OR6V1: variants seen among roughly 807,000 people sequenced by gnomAD.
OR6V1 encodes the protein olfactory receptor 6V1.
A neutral mutation model predicts 13.2 loss-of-function variants in OR6V1; 10 were observed. The observed-to-expected ratio is 0.76, with a 90% CI of 0.47 to 1.28. The LOEUF is 1.28. Ranked by LOEUF, OR6V1 falls within the 50% of genes most tolerant of loss-of-function variation. The pLI is 0.00. For synonymous variants in OR6V1, 137 were observed against 154.2 expected, an observed-to-expected ratio of 0.89 and a Z score of 0.83; for missense variants, 350 against 380.4, an observed-to-expected ratio of 0.92 and a Z score of 0.67.
At position 143,052,872 on chromosome 7, in the gene OR6V1, G is replaced by A. The variant is rs1798223783; in HGVS notation, c.532G>A (p.Asp178Asn). ...CGACGTCATCAACCACTTCTTCTGT[G>A]ACAATGAACCTCTCCTGCAGTTGTC... ...HGDVINHFFC[D>N]NEPLLQLSCS... The change falls in exon 1 of 1, where the codon GAC becomes AAC. Residue 178 changes from aspartate to asparagine, a missense_variant. Asp to Asn is a conservative substitution (Grantham distance 23). Transcript: ENST00000418316. The A allele has an allele frequency of 1.2e-6, 2 of 1,613,896 alleles. No individual in the cohort carries two copies. The highest frequency in any genetic ancestry group is 1.3e-5 in the African/African-American group (1 of 74,938).
chr7:143,053,243 G>A lies in OR6V1; in HGVS notation c.903G>A (p.Gly301=). 1 of 1,609,130 alleles carries A rather than the reference G, an allele frequency of 6.2e-7. No individual in the cohort carries two copies. Among genetic ancestry groups the A allele is most frequent in the South Asian group, 1.1e-5 (1 of 91,060 alleles). Residue 301 remains glycine, a synonymous_variant, in exon 1 of 1, where the codon GGG becomes GGA. Coordinates refer to ENST00000418316, the MANE Select transcript of OR6V1 (RefSeq NM_001001667.1). ...AGACAGTTAAAACAGTGCTACAGGG[G>A]CAGATGCAGAGGCTGAAAGGCCTTT... The part of the protein sequence containing the change: ...CNQTVKTVLQ[G]QMQRLKGLCK...
rs1280358642 is a variant in OR6V1 at position 143,052,663 on chromosome 7, C to T, written c.323C>T (p.Thr108Ile). The change falls in exon 1 of 1, where the codon ACC becomes ATC. Residue 108 changes from threonine (T) to isoleucine (I), a missense_variant. By Grantham distance (89) the Thr-to-Ile change is moderately conservative. Transcript: ENST00000418316. The stretch of plus-strand genomic sequence containing the variant: ...TACTTCCACTTTTCCCTGGGGTCCA[C>T]CTCCTTCCTCATCCTGACAGACATG... ...QFYFHFSLGS[T>I]SFLILTDMAL... 11 of 1,614,002 alleles carry T rather than the reference C, an allele frequency of 6.8e-6. No individual in the cohort carries two copies. The highest frequency in any genetic ancestry group is 6.7e-5 in the African/African-American group (5 of 75,050).
In OR6V1 at chr7:143,053,057, C is replaced by T. The variant is rs200879545; in HGVS notation, c.717C>T (p.Cys239=). The T allele has an allele frequency of 2.2e-5, 36 of 1,613,978 alleles. 1 individual carries two copies. The Middle Eastern group carries it at 4.9e-4, about 22-fold the overall frequency. Residue 239 remains cysteine, a synonymous_variant, in exon 1 of 1, where the codon TGC becomes TGT. Transcript: ENST00000418316. ...ASSCQKAFST[C]GSHLTLVFIG... is the part of the protein sequence containing the mutation. Reference sequence around the variant, plus strand: ...GCTGCCAGAAGGCTTTCTCCACTTGCGGGTCTCACCTCACACTGGTCTTCA... The same window carrying T: ...GCTGCCAGAAGGCTTTCTCCACTTGTGGGTCTCACCTCACACTGGTCTTCA...
chr7:143,052,640 C>T lies in OR6V1; in HGVS notation c.300C>T (p.Tyr100=), dbSNP rs17164103. Residue 100 remains tyrosine (Y), a synonymous_variant, in exon 1 of 1, where the codon TAC becomes TAT. Transcript: ENST00000418316. ...TCACTGGCTGCATGGTCCAGTTCTA[C>T]TTCCACTTTTCCCTGGGGTCCACCT... ...ITFTGCMVQF[Y]FHFSLGSTSF... 144,027 of 1,613,872 alleles carry T rather than the reference C, an allele frequency of 0.089. 8,412 individuals carry two copies. The highest frequency in any genetic ancestry group is 0.29 in the African/African-American group (21,805 of 74,962).
chr7:143,052,434 C>G lies in OR6V1; in HGVS notation c.94C>G (p.Leu32Val). 7.4e-6 allele frequency: 12 copies of G among 1,613,890 alleles called. No homozygotes were observed. The highest frequency in any genetic ancestry group is 1.3e-5 in the African/African-American group (1 of 75,032). Reference protein sequence around the residue: ...QALLYGPFLMLYLLAFMGNTI... With the variant: ...QALLYGPFLMVYLLAFMGNTI... ...CCTTCTGTATGGCCCCTTCCTCATG[C>G]TTTATCTTCTCGCCTTCATGGGAAA... is the stretch of plus-strand genomic sequence containing the variant. The change falls in exon 1 of 1, where the codon CTT becomes GTT. Residue 32 changes from leucine (L) to valine (V), a missense_variant. Leu to Val is a conservative substitution (Grantham distance 32, BLOSUM62 1). Coordinates refer to ENST00000418316, the MANE Select transcript of OR6V1 (RefSeq NM_001001667.1).
chr7:143,052,685 C>T lies in OR6V1; in HGVS notation c.345C>T (p.Asp115=). The change falls in exon 1 of 1, where the codon GAC becomes GAT. Residue 115 remains aspartate (D), a synonymous_variant. Coordinates refer to ENST00000418316, the MANE Select transcript of OR6V1 (RefSeq NM_001001667.1). The part of the protein sequence containing the change: ...LGSTSFLILT[D]MALDRFVAIC... ...CCACCTCCTTCCTCATCCTGACAGA[C>T]ATGGCCCTTGATCGCTTTGTGGCCA... 9.9e-6 allele frequency: 16 copies of T among 1,614,030 alleles called. No individual in the cohort carries two copies. The highest frequency in any genetic ancestry group is 1.3e-5 in the African/African-American group (1 of 75,060).
chr7:143,052,894 T>A lies in OR6V1; in HGVS notation c.554T>A (p.Leu185Ter). 6.2e-7 allele frequency: 1 copy of A among 1,614,024 alleles called. No homozygotes were observed. Among genetic ancestry groups the A allele is most frequent in the African/African-American group, 1.3e-5 (1 of 75,058 alleles). ...TGTGACAATGAACCTCTCCTGCAGT[T>A]GTCATGCTCTGACACTCGCCTGTTG... Reference protein sequence around the residue: ...FFCDNEPLLQLSCSDTRLLEF... With the variant: ...FFCDNEPLLQ Residue 185 changes from leucine to a stop codon, truncating the protein, a stop_gained, in exon 1 of 1, where the codon TTG (leucine) becomes TAG (stop). Transcript: ENST00000418316. LOFTEE classifies it high-confidence loss of function.
chr7:143,052,717 AC>A lies in OR6V1; in HGVS notation c.380del (p.Pro127HisfsTer7), dbSNP rs1562993548. On this transcript the variant is annotated frameshift_variant, in exon 1 of 1. Transcript: ENST00000418316. LOFTEE classifies it high-confidence loss of function. ...CTTGATCGCTTTGTGGCCATCTGCC[AC>A]CCACTGCGCTATGGCACTCTGATGA... ...MALDRFVAICHPLRYGTLMSR... is the reference protein window; with the variant it reads ...MALDRFVAICXPLRYGTLMSR... 6.2e-7 allele frequency: 1 copy of A among 1,613,888 alleles called. No homozygotes were observed. Among genetic ancestry groups the A allele is most frequent in the African/African-American group, 1.3e-5 (1 of 75,004 alleles).
chr7:143,052,937 G>C lies in OR6V1; in HGVS notation c.597G>C (p.Leu199=). ...GCCTGTTGGAATTCTGGGACTTTCT[G>C]ATGGCCTTGACCTTTGTCCTCAGCT... ...DTRLLEFWDF[L]MALTFVLSSF... is the part of the protein sequence containing the mutation. The change falls in exon 1 of 1, where the codon CTG becomes CTC. Residue 199 remains leucine (L), a synonymous_variant. Coordinates refer to ENST00000418316, the MANE Select transcript of OR6V1 (RefSeq NM_001001667.1). 1 of 1,614,040 alleles carries C rather than the reference G, an allele frequency of 6.2e-7. No individual in the cohort carries two copies.
Position 143,052,561 on chromosome 7 carries a change from C to T in OR6V1, c.221C>T (p.Thr74Ile), listed in dbSNP as rs1562993416. The change falls in exon 1 of 1, where the codon ACT becomes ATT. Residue 74 changes from threonine to isoleucine, a missense_variant. Transcript: ENST00000418316. ...FSLLEILVTM[T>I]AVPRMLSDLL... ...CTGCTGGAGATCTTGGTAACCATGA[C>T]TGCAGTGCCCAGGATGCTCTCAGAC... 1 of 1,614,080 alleles carries T rather than the reference C, an allele frequency of 6.2e-7. No individual in the cohort carries two copies. The highest frequency in any genetic ancestry group is 8.5e-7 in the Non-Finnish European group (1 of 1,179,900).
Position 143,052,995 on chromosome 7 carries a change from A to G in OR6V1, c.655A>G (p.Ile219Val), listed in dbSNP as rs774584511. ...GGTGACCCTCATCTCCTATGGCTAC[A>G]TAGTGACCACTGTGCTGCGGATCCC... is the stretch of plus-strand genomic sequence containing the variant. ...FLVTLISYGY[I>V]VTTVLRIPSA... The change falls in exon 1 of 1, where the codon ATA becomes GTA. Residue 219 changes from isoleucine to valine, a missense_variant. Physicochemically the swap from Ile to Val is conservative, Grantham distance 29. Transcript: ENST00000418316. The G allele has an allele frequency of 6.2e-7, 1 of 1,613,992 alleles. No homozygotes were observed. Among genetic ancestry groups the G allele is most frequent in the South Asian group, 1.1e-5 (1 of 91,084 alleles).
Position 143,052,580 on chromosome 7 carries a change from C to T in OR6V1, c.240C>T (p.Leu80=). ...LVTMTAVPRM[L]SDLLVPHKVI... ...CCATGACTGCAGTGCCCAGGATGCT[C>T]TCAGACCTGTTGGTCCCCCACAAAG... The change falls in exon 1 of 1, where the codon CTC becomes CTT. Residue 80 remains leucine (L), a synonymous_variant. Transcript: ENST00000418316. The T allele has an allele frequency of 6.2e-7, 1 of 1,614,050 alleles. No individual in the cohort carries two copies. The highest frequency in any genetic ancestry group is 1.7e-5 in the Admixed American group (1 of 60,034).
In OR6V1 at chr7:143,052,362, T is replaced by C. The variant is rs772106621; in HGVS notation, c.22T>C (p.Ser8Pro). Residue 8 changes from serine (S) to proline (P), a missense_variant, in exon 1 of 1, where the codon TCC (serine) becomes CCC (proline). Ser to Pro is a moderately conservative substitution (Grantham distance 74, BLOSUM62 -1). Coordinates refer to ENST00000418316, the MANE Select transcript of OR6V1 (RefSeq NM_001001667.1). MANLSQP[S>P]EFVLLGFSSF... ...GATCATGGCAAATCTGAGCCAGCCC[T>C]CCGAATTTGTCCTCTTGGGCTTCTC... 6.2e-7 allele frequency: 1 copy of C among 1,613,872 alleles called. No individual in the cohort carries two copies. Among genetic ancestry groups the C allele is most frequent in the Non-Finnish European group, 8.5e-7 (1 of 1,179,812 alleles).
chr7:143,053,029 G>T lies in OR6V1; in HGVS notation c.689G>T (p.Ser230Ile). The change falls in exon 1 of 1, where the codon AGC becomes ATC. Residue 230 changes from serine to isoleucine, a missense_variant. Coordinates refer to ENST00000418316, the MANE Select transcript of OR6V1 (RefSeq NM_001001667.1). ...ACTGTGCTGCGGATCCCCTCTGCCAGCAGCTGCCAGAAGGCTTTCTCCACT... is the reference window on the plus strand; with the variant it reads ...ACTGTGCTGCGGATCCCCTCTGCCATCAGCTGCCAGAAGGCTTTCTCCACT... ...VTTVLRIPSASSCQKAFSTCG... is the reference protein window; with the variant it reads ...VTTVLRIPSAISCQKAFSTCG... 1 of 1,614,006 alleles carries T rather than the reference G, an allele frequency of 6.2e-7. No homozygotes were observed.
Position 143,052,907 on chromosome 7 carries a change from C to T in OR6V1, c.567C>T (p.Asp189=). ...CTCTCCTGCAGTTGTCATGCTCTGA[C>T]ACTCGCCTGTTGGAATTCTGGGACT... ...NEPLLQLSCS[D]TRLLEFWDFL... The change falls in exon 1 of 1, where the codon GAC becomes GAT. Residue 189 remains aspartate, a synonymous_variant. Transcript: ENST00000418316. The T allele has an allele frequency of 1.2e-6, 2 of 1,614,000 alleles. No homozygotes were observed. The highest frequency in any genetic ancestry group is 2.2e-5 in the East Asian group (1 of 44,882).
rs767177985 is a variant in OR6V1 at position 143,053,136 on chromosome 7, G to A, written c.796G>A (p.Val266Met). ...LYVRPGKAHS[V>M]QVRKVVALVT... ...TGTCAGGCCTGGCAAAGCTCACTCT[G>A]TGCAAGTCAGGAAGGTCGTGGCCTT... is the stretch of plus-strand genomic sequence containing the variant. The change falls in exon 1 of 1, where the codon GTG becomes ATG. Residue 266 changes from valine (V) to methionine (M), a missense_variant. Coordinates refer to ENST00000418316, the MANE Select transcript of OR6V1 (RefSeq NM_001001667.1). 6.2e-7 allele frequency: 1 copy of A among 1,614,034 alleles called. No individual in the cohort carries two copies. The highest frequency in any genetic ancestry group is 1.7e-5 in the Admixed American group (1 of 60,032).
rs773545642 is a variant in OR6V1, at chr7:143,052,630, T to C, written c.290T>C (p.Val97Ala). ...HKVITFTGCM[V>A]QFYFHFSLGS... ...GTCATTACCTTCACTGGCTGCATGG[T>C]CCAGTTCTACTTCCACTTTTCCCTG... Residue 97 changes from valine to alanine, a missense_variant, in exon 1 of 1, where the codon GTC (valine) becomes GCC (alanine). Val to Ala is a moderately conservative substitution (Grantham distance 64, BLOSUM62 0). Coordinates refer to ENST00000418316, the MANE Select transcript of OR6V1 (RefSeq NM_001001667.1). 1 of 1,614,024 alleles carries C rather than the reference T, an allele frequency of 6.2e-7. No homozygotes were observed. Among genetic ancestry groups the C allele is most frequent in the Non-Finnish European group, 8.5e-7 (1 of 1,179,892 alleles).
chr7:143,052,673 C>T lies in OR6V1; in HGVS notation c.333C>T (p.Leu111=), dbSNP rs1798216530. ...FHFSLGSTSF[L]ILTDMALDRF... ...TTTCCCTGGGGTCCACCTCCTTCCT[C>T]ATCCTGACAGACATGGCCCTTGATC... The change falls in exon 1 of 1, where the codon CTC becomes CTT. Residue 111 remains leucine (L), a synonymous_variant. Coordinates refer to ENST00000418316, the MANE Select transcript of OR6V1 (RefSeq NM_001001667.1). 1.9e-6 allele frequency: 3 copies of T among 1,614,050 alleles called. No individual in the cohort carries two copies. The highest frequency in any genetic ancestry group is 2.5e-6 in the Non-Finnish European group (3 of 1,179,892).
chr7:143,052,432 T>C lies in OR6V1; in HGVS notation c.92T>C (p.Met31Thr). The change falls in exon 1 of 1, where the codon ATG (methionine) becomes ACG (threonine). Residue 31 changes from methionine (M) to threonine (T), a missense_variant. Coordinates refer to ENST00000418316, the MANE Select transcript of OR6V1 (RefSeq NM_001001667.1). ...GCCCTTCTGTATGGCCCCTTCCTCA[T>C]GCTTTATCTTCTCGCCTTCATGGGA... The part of the protein sequence containing the change: ...LQALLYGPFL[M>T]LYLLAFMGNT... The C allele has an allele frequency of 1.2e-6, 2 of 1,613,974 alleles. No homozygotes were observed. The highest frequency in any genetic ancestry group is 1.7e-6 in the Non-Finnish European group (2 of 1,179,876).
Sources: gnomAD v4.1 joint callset for allele counts on GRCh38, gnomAD v4.1.1 for gene constraint, MANE v1.5 for transcripts, NCBI Gene and HGNC (gene_info 2026-07-23, HGNC 2026-07-21) for gene names.